The following ANKRD42 variants were observed in gnomAD, a reference collection of about 807,000 sequenced individuals.
The protein encoded by ANKRD42 is ankyrin repeat domain-containing protein 42.
Under a neutral mutation model 51.5 loss-of-function variants are expected in ANKRD42, and 43 were observed. The ratio of observed to expected loss-of-function variants is 0.83; its 90% CI spans 0.65 to 1.08. The LOEUF is 1.08. Ranked by LOEUF, ANKRD42 falls within the 50% of genes least tolerant of loss-of-function variation. ANKRD42 has a pLI of 0.00. For missense variants in ANKRD42, 608 were observed against 629.3 expected, an observed-to-expected ratio of 0.97 and a Z score of 0.36; for synonymous variants, 203 against 213.0, an observed-to-expected ratio of 0.95 and a Z score of 0.41.
chr11:83,221,823 A>G (rs1002704380), intron 5 of ANKRD42, among the ~76,000 whole-genome samples: 3 of 152,232 alleles, frequency 2.0e-5, no homozygotes, highest in Non-Finnish European at 2.9e-5. Flanking sequence ...GTTACAGAGC[A>G]GAGTTTCCAG....
chr11:83,251,154 C>A (rs1863668166), downstream of ANKRD42, among the ~76,000 whole-genome samples: 1 of 152,010 alleles, frequency 6.6e-6, no homozygotes, highest in African/African-American at 2.4e-5. Flanking sequence ...ATCATTAAGC[C>A]TTTGTTCAAT....
chr11:83,257,210 G>A (rs1863788850), downstream of ANKRD42: 1 of 414,138 alleles, frequency 2.4e-6, no homozygotes, highest in Non-Finnish European at 4.7e-6. Flanking sequence ...AATGGCTTTA[G>A]TGTCCATGTG....
At chr11:83,235,569 G>A (rs1863199303) in intron 7 of ANKRD42, among the ~76,000 whole-genome samples, 1 of 152,234 alleles carries the variant, frequency 6.6e-6, no homozygotes, top group Non-Finnish European at 1.5e-5. Context: ...TTGAGGGTCT[G>A]TAAGTTGCAG....
intron 11 of ANKRD42, among the ~76,000 whole-genome samples, chr11:83,255,147 G>A (rs1296716027): frequency 6.6e-6 from 1 of 152,230 alleles, no homozygotes; most frequent in African/African-American, 2.4e-5. Flanking sequence ...TGGAGCCTCT[G>A]TGTTCGGAGC....
intron 2 of ANKRD42, among the ~76,000 whole-genome samples, chr11:83,199,532 T>C (rs1861788308): frequency 6.6e-6 from 1 of 152,218 alleles, no homozygotes; most frequent in Admixed American, 6.5e-5. Flanking sequence ...GTTTTTGTAT[T>C]GTTGGATATT....
intron 10 of ANKRD42, among the ~76,000 whole-genome samples, 157 bp downstream of exon 10, chr11:83,245,781 T>A (rs1467879200): frequency 6.6e-6 from 1 of 152,226 alleles, no homozygotes; most frequent in East Asian, 1.9e-4. Context: ...GGAGTTAAAA[T>A]TTTTAAATAA....
chr11:83,198,927 A>T lies in ANKRD42; in HGVS notation c.222+285A>T, dbSNP rs1189992831. Among the ~76,000 whole-genome samples, 3 of 152,158 alleles carry T rather than the reference A, an allele frequency of 2.0e-5. No individual in the cohort carries two copies. In the South Asian group the frequency reaches 6.2e-4, roughly 32 times the overall value. The stretch of plus-strand genomic sequence containing the variant: ...CCATGATATCTGGGGCTTCAGCTGG[A>T]ATATTAAAAAGCTGGGGCTAGATTC... On this transcript the variant is annotated intron_variant, in intron 2 of 10. Transcript: ENST00000533342.
chr11:83,254,428 TTC>T lies in ANKRD42; in HGVS notation c.1465-1415_1465-1414del, dbSNP rs1394328708. ...TGCCCCACCTGAGTGTTTTTCTTTT[TTC>T]TTTTCTTTTTTTTTTTTTTGAGACA... On this transcript the variant is annotated intron_variant, in intron 11 of 11. Transcript: ENST00000260047. Among the ~76,000 whole-genome samples, 268 of 126,830 alleles carry T rather than the reference TTC, an allele frequency of 2.1e-3. 1 individual carries two copies. The highest frequency in any genetic ancestry group is 8.6e-3 in the African/African-American group (256 of 29,606). The allele number at this position is 126,830 out of a possible 152,430, so 83.2% of individuals were successfully genotyped here. A position where few individuals can be genotyped will look rare whatever the true frequency, so the allele number is the denominator to read the frequency against.
In ANKRD42 at chr11:83,213,371, C is replaced by T. The variant is rs1384622533; in HGVS notation, c.586+1941C>T. 3 of 1,576,922 alleles carry T rather than the reference C, an allele frequency of 1.9e-6. No individual in the cohort carries two copies. The Admixed American group carries it at 5.1e-5, about 27-fold the overall frequency. On this transcript the variant is annotated intron_variant, in intron 5 of 10. Coordinates refer to ENST00000533342, the MANE Select transcript of ANKRD42 (RefSeq NM_001300975.2). Reference sequence around the variant, plus strand: ...CTGTCCATCGGAGTCACACCAACCCCAACGCCAGGCTGCGCAGTGAAGAAA... The same window carrying T: ...CTGTCCATCGGAGTCACACCAACCCTAACGCCAGGCTGCGCAGTGAAGAAA...
intron 2 of ANKRD42, among the ~76,000 whole-genome samples, chr11:83,204,636 A>AT (rs1340354036): frequency 2.0e-5 from 3 of 152,140 alleles, no homozygotes; most frequent in Non-Finnish European, 2.9e-5. Context: ...TGAATCTAAA[A>AT]TTAAAAAAAA....
At chr11:83,227,989 A>G in intron 7 of ANKRD42, 117 bp downstream of exon 7, 1 of 1,197,866 alleles carries the variant, frequency 8.3e-7, no homozygotes, top group South Asian at 1.6e-5. Flanking sequence ...ATACCCTAGC[A>G]GATATCAGTC....
chr11:83,194,656 C>T lies in ANKRD42; in HGVS notation c.-15C>T. ...CCTGGACTCAACTCCTCCCCAGAGTCGGAGGTGTTGCGCCATGCCCGGGGT... is the reference window on the plus strand; with the variant it reads ...CCTGGACTCAACTCCTCCCCAGAGTTGGAGGTGTTGCGCCATGCCCGGGGT... On this transcript the variant is annotated 5_prime_UTR_variant, in exon 1 of 11. Coordinates refer to ENST00000533342, the MANE Select transcript of ANKRD42 (RefSeq NM_001300975.2). 1 of 1,613,584 alleles carries T rather than the reference C, an allele frequency of 6.2e-7. No individual in the cohort carries two copies. Among genetic ancestry groups the T allele is most frequent in the Non-Finnish European group, 8.5e-7 (1 of 1,179,784 alleles).
At chr11:83,241,129 CTG>C (rs1355938629) in intron 9 of ANKRD42, among the ~76,000 whole-genome samples, 195 bp downstream of exon 9, 2 of 152,180 alleles carry the variant, frequency 1.3e-5, no homozygotes, top group African/African-American at 4.8e-5. Context: ...GACATAATCT[CTG>C]TCCCTCAGGG....
intron 11 of ANKRD42, among the ~76,000 whole-genome samples, chr11:83,254,418 TTTTTCTTTTTTCTTTTC>T (rs1863728181): frequency 7.5e-6 from 1 of 134,136 alleles, no homozygotes; most frequent in South Asian, 2.3e-4. Context: ...CACCTGAGTG[TTTTTCTTTTTTCTTTTC>T]TTTTTTTTTT....
At chr11:83,194,860 T>A (rs527581395) in intron 1 of ANKRD42, 132 bp downstream of exon 1, 1 of 931,662 alleles carries the variant, frequency 1.1e-6, no homozygotes, top group Admixed American at 2.8e-5. Flanking sequence ...TAATTTATTT[T>A]CAGGGGATAC....
At chr11:83,199,301 TC>T (rs1398737832) in intron 2 of ANKRD42, among the ~76,000 whole-genome samples, 1 of 152,190 alleles carries the variant, frequency 6.6e-6, no homozygotes, top group African/African-American at 2.4e-5. Context: ...TGTTTATTAT[TC>T]CTATCTATGT....
At chr11:83,252,605 A>C (rs1184458928), downstream of ANKRD42, among the ~76,000 whole-genome samples, 1 of 152,208 alleles carries the variant, frequency 6.6e-6, no homozygotes, top group African/African-American at 2.4e-5. Context: ...AAGAACACAT[A>C]CCGTGTGATT....
At position 83,227,857 on chromosome 11, in the gene ANKRD42, A is replaced by G. The variant is rs758003398; in HGVS notation, c.898A>G (p.Thr300Ala). The G allele has an allele frequency of 6.2e-7, 1 of 1,607,784 alleles. No individual in the cohort carries two copies. The highest frequency in any genetic ancestry group is 1.1e-5 in the South Asian group (1 of 89,614). Residue 300 changes from threonine to alanine, a missense_variant, in exon 7 of 11, where the codon ACT (threonine) becomes GCT (alanine). Transcript: ENST00000533342. Reference protein sequence around the residue: ...NINERADNGSTPMHKAAGQGH... With the variant: ...NINERADNGSAPMHKAAGQGH... ...TAATGAGCGTGCTGATAATGGATCA[A>G]CTCCTATGCATAAAGGTGAGTTATG... is the stretch of plus-strand genomic sequence containing the variant.
chr11:83,227,626 C>A (rs1862929575), intron 6 of ANKRD42, 121 bp from the exon 7 acceptor site: 2 of 971,290 alleles, frequency 2.1e-6, no homozygotes, highest in Non-Finnish European at 3.0e-6. Flanking sequence ...CAACTGAACT[C>A]ATCCGATTAC....
Sources: allele counts gnomAD v4.1 joint callset (sites outside exome capture counted in the v4.1 genomes callset), GRCh38; gene constraint gnomAD v4.1.1; transcripts MANE v1.5; gene names NCBI Gene and HGNC (gene_info 2026-07-23, HGNC 2026-07-21).